Variants in TBC1D4 observed in about 807,000 individuals in gnomAD.
The protein encoded by TBC1D4 is TBC1 domain family member 4.
In TBC1D4, 121 loss-of-function variants were observed where a neutral mutation model predicts 142.5. The observed-to-expected ratio is 0.85, with a 90% confidence interval of 0.73 to 0.99. The LOEUF (loss-of-function observed/expected upper bound fraction) is 0.99. TBC1D4 is among the 50% of genes least tolerant of loss of function. The probability of loss-of-function intolerance (pLI) is 0.00; values close to 1 mark genes in which losing one functional copy is unlikely to be tolerated. For missense variants in TBC1D4, 1,475 were observed against 1,606.6 expected (o/e 0.92, Z 1.40); for synonymous variants, 630 against 628.2 (o/e 1.00, Z -0.04).
chr13:75,471,435 C>G (rs1450735896), intron 1 of TBC1D4, among the ~76,000 whole-genome samples: 1 of 152,232 alleles, frequency 6.6e-6, no homozygotes, highest in Non-Finnish European at 1.5e-5. Flanking sequence ...TTGTTTAATA[C>G]TGCTATTAGA....
rs760864020 is a variant in TBC1D4 at position 75,356,250 on chromosome 13, C to T, written c.1172G>A (p.Gly391Asp). The part of the protein sequence containing the change: ...NFKDISSCSQ[G>D]IKHVDHFGFI... ...GCCAAAGTGATCCACATGCTTTATA[C>T]CCTAGATGGAGGGGAAGAAGTGCAA... The change falls in exon 4 of 21, where the codon GGT (glycine) becomes GAT (aspartate). Residue 391 changes from glycine to aspartate, a missense_variant and splice_region_variant. Gly to Asp is a moderately conservative substitution (Grantham distance 94, BLOSUM62 -1). This residue lies in a region of TBC1D4 where 1,227 missense variants were observed against 1,267.7 expected (regional missense o/e 0.97). Coordinates refer to ENST00000377636, the MANE Select transcript of TBC1D4 (RefSeq NM_014832.5). 3.7e-6 allele frequency: 6 copies of T among 1,607,422 alleles called. No individual in the cohort carries two copies. Among genetic ancestry groups the T allele is most frequent in the Non-Finnish European group, 5.1e-6 (6 of 1,174,288 alleles).
chr13:75,444,266 G>A (rs1887177686), intron 1 of TBC1D4, among the ~76,000 whole-genome samples: 1 of 152,104 alleles, frequency 6.6e-6, no homozygotes, highest in Non-Finnish European at 1.5e-5. Flanking sequence ...TGGGACTACA[G>A]GCACTCACCA....
At chr13:75,438,304 G>A (rs538365663) in intron 1 of TBC1D4, among the ~76,000 whole-genome samples, 153 of 152,270 alleles carry the variant, frequency 1.0e-3, no homozygotes, top group South Asian at 9.1e-3. Flanking sequence ...TTTCACTTGA[G>A]CAATGCTTAT....
intron 1 of TBC1D4, among the ~76,000 whole-genome samples, chr13:75,474,588 T>C (rs1253293712): frequency 9.3e-6 from 1 of 107,786 alleles, no homozygotes; most frequent in East Asian, 3.5e-4. Flanking sequence ...CTTTAGAATC[T>C]GCCTGGATAG....
intron 14 of TBC1D4, among the ~76,000 whole-genome samples, chr13:75,307,185 C>A (rs977106098): frequency 6.6e-6 from 1 of 152,166 alleles, no homozygotes; most frequent in Non-Finnish European, 1.5e-5. Context: ...TGGTCTTAAA[C>A]TCCTGGCCTC....
chr13:75,482,082 T>A lies in TBC1D4; in HGVS notation c.-315A>T, dbSNP rs1240412425. The A allele has an allele frequency of 7.4e-6, 2 of 270,022 alleles. No homozygotes were observed. The highest frequency in any genetic ancestry group is 1.4e-5 in the Non-Finnish European group (2 of 145,490). The allele number at this position is 270,022 out of a possible 1,614,324, so 16.7% of individuals were successfully genotyped here. A position where few individuals can be genotyped will look rare whatever the true frequency, so the allele number is the denominator to read the frequency against. The stretch of plus-strand genomic sequence containing the variant: ...CTTCCTCCGTCGCGGGTTTGCAGGG[T>A]CAGAGGACCACGCCGAGGGTCCCCG... On this transcript the variant is annotated 5_prime_UTR_variant, in exon 1 of 21. Transcript: ENST00000377636.
At chr13:75,331,502 A>C (rs1297554870) in intron 8 of TBC1D4, among the ~76,000 whole-genome samples, 1 of 152,156 alleles carries the variant, frequency 6.6e-6, no homozygotes, top group Non-Finnish European at 1.5e-5. Flanking sequence ...CCTATCTCAA[A>C]AAAATAAAAT....
intron 1 of TBC1D4, among the ~76,000 whole-genome samples, chr13:75,459,364 G>A (rs1158468266): frequency 6.6e-6 from 1 of 152,064 alleles, no homozygotes; most frequent in Non-Finnish European, 1.5e-5. Context: ...CTGTGTTTCT[G>A]ATTGATTGTG....
rs762409738 is a variant in TBC1D4, at chr13:75,362,161, C to T, written c.945G>A (p.Arg315=). ...GTTGCACGCCGGTGACACTGCTGCA[C>T]CGAGACCGAAACTCCTGCTGCTCAT... ...GFDEQQEFRS[R]CSSVTGVQRR... Residue 315 remains arginine, a synonymous_variant, in exon 2 of 21, where the codon CGG becomes CGA. Coordinates refer to ENST00000377636, the MANE Select transcript of TBC1D4 (RefSeq NM_014832.5). This position sits in a 1 kb window ranked among gnomAD's most constrained non-coding sequence, Gnocchi z 4.2. 6.2e-7 allele frequency: 1 copy of T among 1,613,490 alleles called. No homozygotes were observed. Among genetic ancestry groups the T allele is most frequent in the South Asian group, 1.1e-5 (1 of 91,072 alleles).
intron 15 of TBC1D4, 47 bp downstream of exon 15, chr13:75,306,266 C>T: frequency 6.6e-7 from 1 of 1,506,108 alleles, no homozygotes; most frequent in Non-Finnish European, 8.9e-7. Flanking sequence ...AAAAATCCCC[C>T]AGGCTTTTCT....
chr13:75,409,041 G>GCACACA (rs138532626), intron 1 of TBC1D4, among the ~76,000 whole-genome samples: 421 of 150,636 alleles, frequency 2.8e-3, no homozygotes, highest in African/African-American at 5.1e-3. Flanking sequence ...ATACACACAC[G>GCACACA]CACACACACA....
rs1046326810 is a variant in TBC1D4, at chr13:75,372,717, C to A, written c.499-10110G>T. Among the ~76,000 whole-genome samples, 9 of 152,266 alleles carry A rather than the reference C, an allele frequency of 5.9e-5. No individual in the cohort carries two copies. The South Asian group carries it at 8.3e-4, about 14-fold the overall frequency. ...CAATACTGAGAAAAAAATGCTCCCACTGTTTATAAAATATTATTACTACTG... is the reference window on the plus strand; with the variant it reads ...CAATACTGAGAAAAAAATGCTCCCAATGTTTATAAAATATTATTACTACTG... On this transcript the variant is annotated intron_variant, in intron 1 of 20. Transcript: ENST00000377636.
intron 1 of TBC1D4, among the ~76,000 whole-genome samples, chr13:75,422,104 G>A (rs1192533034): frequency 6.6e-6 from 1 of 152,178 alleles, no homozygotes; most frequent in Non-Finnish European, 1.5e-5. Context: ...CTTAAATACT[G>A]TTTTAAATGT....
chr13:75,470,759 G>T (rs1331266697), intron 1 of TBC1D4, among the ~76,000 whole-genome samples: 3 of 152,174 alleles, frequency 2.0e-5, no homozygotes, highest in African/African-American at 7.2e-5. Flanking sequence ...GCCAAGGCAG[G>T]TGGATCACCT....
chr13:75,375,680 T>C (rs1001233516), intron 1 of TBC1D4: 1 of 151,880 alleles, frequency 6.6e-6, no homozygotes, highest in African/African-American at 2.4e-5. Flanking sequence ...TGGTTTAAAA[T>C]AGTTGCAACT....
At chr13:75,477,491 C>T (rs1352957182) in intron 1 of TBC1D4, among the ~76,000 whole-genome samples, 2 of 152,012 alleles carry the variant, frequency 1.3e-5, no homozygotes, top group African/African-American at 2.4e-5. Context: ...ATGTTTTTAC[C>T]TTTTAAATGA....
In TBC1D4 at chr13:75,362,320, G is replaced by C. The variant is rs763916608; in HGVS notation, c.786C>G (p.Ser262=). The change falls in exon 2 of 21, where the codon TCC becomes TCG. Residue 262 remains serine, a synonymous_variant. Coordinates refer to ENST00000377636, the MANE Select transcript of TBC1D4 (RefSeq NM_014832.5). This position sits in a 1 kb window ranked among gnomAD's most constrained non-coding sequence, Gnocchi z 4.2. Reference sequence around the variant, plus strand: ...CCTCCTCCGGCAGGCAGTCTCCGGGGGACCCGGGCACCACCACCTCCAAGT... The same window carrying C: ...CCTCCTCCGGCAGGCAGTCTCCGGGCGACCCGGGCACCACCACCTCCAAGT... ...LADLEVVVPG[S]PGDCLPEEAD... 6 of 1,614,032 alleles carry C rather than the reference G, an allele frequency of 3.7e-6. No homozygotes were observed. In the Admixed American group the frequency reaches 1.0e-4, roughly 27 times the overall value.
intron 10 of TBC1D4, among the ~76,000 whole-genome samples, chr13:75,325,346 G>A (rs1879135098): frequency 6.6e-6 from 1 of 150,946 alleles, no homozygotes; most frequent in African/African-American, 2.4e-5. Context: ...TGTATCCTTA[G>A]AAGAAATGCA....
intron 7 of TBC1D4, among the ~76,000 whole-genome samples, chr13:75,339,741 A>AT (rs35974788): frequency 0.41 from 61,944 of 151,488 alleles, 13,309 homozygotes; most frequent in East Asian, 0.66. Context: ...ACACCGGCTA[A>AT]TTGTTTTTGT....
Sources: gnomAD v4.1 joint callset for allele counts (sites outside exome capture counted in the v4.1 genomes callset) on GRCh38, gnomAD v4.1.1 for gene constraint, gnomAD v4.1.1 regional missense constraint, Gnocchi (gnomAD v3.1) non-coding constraint, MANE v1.5 for transcripts, NCBI Gene and HGNC (gene_info 2026-07-23, HGNC 2026-07-21) for gene names.